FILIP1L: variants seen among roughly 807,000 people sequenced by gnomAD.
FILIP1L encodes filamin A-interacting protein 1-like.
In FILIP1L, 55 loss-of-function variants were observed where a neutral mutation model predicts 96.6. The observed-to-expected ratio is 0.57, with a 90% CI of 0.46 to 0.71. FILIP1L has a LOEUF of 0.71. Among genes scored for constraint, FILIP1L ranks in the 30% least tolerant of loss-of-function variants. The probability of loss-of-function intolerance (pLI) is 0.00; values close to 1 mark genes in which losing one functional copy is unlikely to be tolerated. For missense variants in FILIP1L, 1,304 were observed against 1,321.2 expected (o/e 0.99, Z 0.20); for synonymous variants, 467 against 473.9 (o/e 0.99, Z 0.19).
chr3:99,921,431 G>A (rs1460082193), intron 4 of FILIP1L, among the ~76,000 whole-genome samples: 2 of 152,186 alleles, frequency 1.3e-5, no homozygotes, highest in South Asian at 2.1e-4. Context: ...AGGAAAGCAT[G>A]AAGGGTGGAC....
At chr3:100,102,835 A>G (rs56233205) in intron 1 of FILIP1L, among the ~76,000 whole-genome samples, 18,493 of 152,262 alleles carry the variant, frequency 0.12, 1,501 homozygotes, top group Non-Finnish European at 0.18. Flanking sequence ...TTGCAGTGCT[A>G]TAAGTGTATA....
At chr3:100,097,649 G>C (rs1455055589) in intron 1 of FILIP1L, among the ~76,000 whole-genome samples, 1 of 152,132 alleles carries the variant, frequency 6.6e-6, no homozygotes, top group African/African-American at 2.4e-5. Context: ...ATGTATTTGT[G>C]AACATGTACG....
chr3:99,859,964 C>T (rs1320613567), intron 4 of FILIP1L, among the ~76,000 whole-genome samples: 2 of 152,178 alleles, frequency 1.3e-5, no homozygotes, highest in African/African-American at 4.8e-5. Context: ...CTACAGCATA[C>T]CATAGCCATA....
chr3:99,937,412 C>A (rs921983645), intron 1 of FILIP1L, among the ~76,000 whole-genome samples: 1 of 152,130 alleles, frequency 6.6e-6, no homozygotes, highest in African/African-American at 2.4e-5. Context: ...TTTAAATTTT[C>A]ATGTGCTTTT....
intron 1 of FILIP1L, among the ~76,000 whole-genome samples, chr3:100,111,898 G>A (rs2066497183): frequency 6.6e-6 from 1 of 152,142 alleles, no homozygotes; most frequent in African/African-American, 2.4e-5. Context: ...CCATATCTAT[G>A]TTGAACAACA....
intron 1 of FILIP1L, among the ~76,000 whole-genome samples, chr3:99,999,834 A>AAAAAC (rs1202963835): frequency 6.6e-6 from 1 of 152,230 alleles, no homozygotes; most frequent in Non-Finnish European, 1.5e-5. Flanking sequence ...CTAGATTTAA[A>AAAAAC]AAAACAAAAC....
intron 1 of FILIP1L, among the ~76,000 whole-genome samples, chr3:100,016,232 G>A (rs1710334399): frequency 1.3e-5 from 2 of 152,238 alleles, no homozygotes; most frequent in South Asian, 4.2e-4. Context: ...CACTCTTGTT[G>A]CCCAGGCTGG....
intron 5 of FILIP1L, among the ~76,000 whole-genome samples, chr3:99,833,500 G>A (rs1479443946): frequency 1.3e-5 from 2 of 152,186 alleles, no homozygotes; most frequent in Non-Finnish European, 2.9e-5. Context: ...TGACTCTTTT[G>A]TTCTTCCACT....
At chr3:100,109,840 C>T (rs529120129) in intron 1 of FILIP1L, 2 of 151,570 alleles carry the variant, frequency 1.3e-5, no homozygotes, top group African/African-American at 2.4e-5. Flanking sequence ...AAGCATCAAA[C>T]TCAGGAATCA....
At chr3:100,080,931 T>C (rs2065922698) in intron 1 of FILIP1L, among the ~76,000 whole-genome samples, 2 of 152,204 alleles carry the variant, frequency 1.3e-5, no homozygotes, top group South Asian at 4.1e-4. Flanking sequence ...AAGGATGAGT[T>C]GAGAGTATTA....
Position 99,924,234 on chromosome 3 carries a change from C to G in FILIP1L, c.601G>C (p.Glu201Gln), listed in dbSNP as rs751715182. The G allele has an allele frequency of 3.2e-5, 52 of 1,612,440 alleles. No individual in the cohort carries two copies. Among genetic ancestry groups the G allele is most frequent in the Non-Finnish European group, 4.2e-5 (49 of 1,179,468 alleles). Residue 201 changes from glutamate to glutamine, a missense_variant, in exon 4 of 6, where the codon GAA becomes CAA. Glu to Gln is a conservative substitution (Grantham distance 29). Transcript: ENST00000477258. ...GTTTGCCCAAAGCAGCCTTACCTTT[C>G]ACATTCCTGTTCTAGTAGGCATATG... is the stretch of plus-strand genomic sequence containing the variant. Reference protein sequence around the residue: ...EFICLLEQECERLKKLIDQEI... With the variant: ...EFICLLEQECQRLKKLIDQEI...
intron 1 of FILIP1L, among the ~76,000 whole-genome samples, chr3:100,041,763 C>T (rs1449876772): frequency 6.6e-6 from 1 of 152,090 alleles, no homozygotes; most frequent in African/African-American, 2.4e-5. Flanking sequence ...TTTAGACCTA[C>T]CAGAGATCTT....
At chr3:99,905,609 C>T (rs1706589380) in intron 4 of FILIP1L, among the ~76,000 whole-genome samples, 1 of 152,188 alleles carries the variant, frequency 6.6e-6, no homozygotes, top group Admixed American at 6.5e-5. Flanking sequence ...TACACTTTTA[C>T]ATATGTGTGT....
intron 4 of FILIP1L, among the ~76,000 whole-genome samples, chr3:99,851,463 T>G (rs1576512510): frequency 6.6e-6 from 1 of 152,238 alleles, no homozygotes. Context: ...CTAATTGATC[T>G]GGGCAGTTAT....
chr3:99,875,457 A>G (rs1313358389), intron 4 of FILIP1L, among the ~76,000 whole-genome samples: 1 of 152,234 alleles, frequency 6.6e-6, no homozygotes, highest in East Asian at 1.9e-4. Flanking sequence ...TGAAGCAGAA[A>G]GTTAGAACTC....
At chr3:99,943,828 C>T (rs1235522525) in intron 1 of FILIP1L, among the ~76,000 whole-genome samples, 1 of 152,152 alleles carries the variant, frequency 6.6e-6, no homozygotes, top group African/African-American at 2.4e-5. Flanking sequence ...GCTCTGGAGT[C>T]GGCCTGGCCG....
Position 99,849,171 on chromosome 3 carries a change from G to A in FILIP1L, c.2505C>T (p.Asp835=), listed in dbSNP as rs571128891. 44 of 1,613,954 alleles carry A rather than the reference G, an allele frequency of 2.7e-5. No individual in the cohort carries two copies. Among genetic ancestry groups the A allele is most frequent in the East Asian group, 4.5e-5 (2 of 44,894 alleles). The change falls in exon 5 of 6, where the codon GAC becomes GAT. Residue 835 remains aspartate (D), a synonymous_variant. Coordinates refer to ENST00000477258, the MANE Select transcript of FILIP1L (RefSeq NM_001387850.1). The part of the protein sequence containing the change: ...GQLYEESENQ[D]EDPNDEGSVL... ...CAGATCCCTCATCATTAGGGTCCTCGTCTTGATTCTCACTCTCCTCATATA... is the reference window on the plus strand; with the variant it reads ...CAGATCCCTCATCATTAGGGTCCTCATCTTGATTCTCACTCTCCTCATATA...
intron 5 of FILIP1L, among the ~76,000 whole-genome samples, chr3:99,838,881 C>T (rs1157012057): frequency 6.6e-6 from 1 of 152,084 alleles, no homozygotes; most frequent in Non-Finnish European, 1.5e-5. Flanking sequence ...TATGCAGAAA[C>T]CTTCTGTGAA....
chr3:99,971,345 A>AAG (rs1451522098), intron 1 of FILIP1L, among the ~76,000 whole-genome samples: 6 of 151,668 alleles, frequency 4.0e-5, no homozygotes, highest in Non-Finnish European at 7.4e-5. Flanking sequence ...AAAAAAAAAA[A>AAG]AAAAGAGAAT....
Sources: gnomAD v4.1 joint callset for allele counts (sites outside exome capture counted in the v4.1 genomes callset) on GRCh38, gnomAD v4.1.1 for gene constraint, MANE v1.5 for transcripts, NCBI Gene and HGNC (gene_info 2026-07-23, HGNC 2026-07-21) for gene names.